ATP10B: variants seen among roughly 807,000 people sequenced by gnomAD.
ATP10B encodes phospholipid-transporting ATPase VB.
Under a neutral mutation model 141.2 loss-of-function variants are expected in ATP10B, and 122 were observed. The ratio of observed to expected loss-of-function variants is 0.86; its 90% CI spans 0.75 to 1.00. The LOEUF is 1.00. Ranked by LOEUF, ATP10B falls within the 50% of genes least tolerant of loss-of-function variation. The probability of loss-of-function intolerance (pLI) is 0.00; values close to 1 mark genes in which losing one functional copy is unlikely to be tolerated. For missense variants in ATP10B, 1,876 were observed against 1,825.3 expected (o/e 1.03, Z -0.51); for synonymous variants, 685 against 692.0 (o/e 0.99, Z 0.16).
chr5:160,921,360 AATAT>A, the ATP10B span, among the ~76,000 whole-genome samples: 3 of 152,048 alleles, frequency 2.0e-5, no homozygotes, highest in Non-Finnish European at 4.4e-5. Flanking sequence ...ATTGTGGTAA[AATAT>A]ATATAACTTT....
the ATP10B span, among the ~76,000 whole-genome samples, chr5:160,928,035 C>T: frequency 6.6e-6 from 1 of 152,138 alleles, no homozygotes; most frequent in Non-Finnish European, 1.5e-5. Flanking sequence ...GCCAGGGCTG[C>T]TGGCTCACTA....
intron 6 of ATP10B, among the ~76,000 whole-genome samples, chr5:160,680,782 A>G (rs911311538): frequency 6.6e-6 from 1 of 152,222 alleles, no homozygotes; most frequent in Non-Finnish European, 1.5e-5. Flanking sequence ...AGTTAGTACA[A>G]TCCCATCTCT....
At chr5:160,907,136 T>C in the ATP10B span, among the ~76,000 whole-genome samples, 1 of 152,182 alleles carries the variant, frequency 6.6e-6, no homozygotes, top group Non-Finnish European at 1.5e-5. Context: ...TTTTCTGTAA[T>C]TCCTGCCATG....
At chr5:160,851,900 TCCC>T (rs921472848) in intron 1 of ATP10B, 38 bp downstream of exon 1, 18 of 152,098 alleles carry the variant, frequency 1.2e-4, no homozygotes, top group African/African-American at 3.9e-4. Flanking sequence ...AGGCAATTAC[TCCC>T]CCATTATATA....
At chr5:160,771,048 T>A (rs908893274) in intron 2 of ATP10B, among the ~76,000 whole-genome samples, 5 of 152,196 alleles carry the variant, frequency 3.3e-5, no homozygotes, top group African/African-American at 1.2e-4. Flanking sequence ...GGAACTGGGG[T>A]TGAGTCAAGG....
intron 8 of ATP10B, among the ~76,000 whole-genome samples, chr5:160,645,746 G>C (rs969625922): frequency 1.3e-5 from 2 of 152,040 alleles, no homozygotes; most frequent in Non-Finnish European, 2.9e-5. Flanking sequence ...ATAATAATCC[G>C]AACTCTTAGA....
At chr5:160,805,747 G>C (rs1158517010) in intron 1 of ATP10B, among the ~76,000 whole-genome samples, 6 of 152,188 alleles carry the variant, frequency 3.9e-5, no homozygotes, top group Non-Finnish European at 7.3e-5. Context: ...TGCTGTTTAT[G>C]TGTGTGAGCA....
At position 160,673,001 on chromosome 5, in the gene ATP10B, A is replaced by T. The variant is rs139470827; in HGVS notation, c.471-2334T>A. On this transcript the variant is annotated intron_variant, in intron 6 of 25. Coordinates refer to ENST00000327245, the MANE Select transcript of ATP10B (RefSeq NM_025153.3). ...TTTGGAAGGCCAAGTCTATAAAATA[A>T]ACAGGGACATTGGAATTGGGGAGCA... is the stretch of plus-strand genomic sequence containing the variant. Among the ~76,000 whole-genome samples the T allele has an allele frequency of 3.5e-3, 527 of 152,344 alleles. 6 individuals are homozygous for T. The highest frequency in any genetic ancestry group is 0.012 in the African/African-American group (513 of 41,582).
chr5:160,791,620 G>A (rs540246546), intron 1 of ATP10B, among the ~76,000 whole-genome samples: 25 of 152,104 alleles, frequency 1.6e-4, no homozygotes, highest in Non-Finnish European at 2.9e-4. Context: ...GGCCATCAGA[G>A]CTCTAGCCAT....
intron 11 of ATP10B, 126 bp from the exon 12 acceptor site, chr5:160,634,732 A>T (rs1247861955): frequency 2.9e-5 from 30 of 1,025,378 alleles, no homozygotes; most frequent in Non-Finnish European, 3.9e-5. Context: ...ACTCTCTGTG[A>T]AATTAACGGT....
intron 5 of ATP10B, 106 bp downstream of exon 5, chr5:160,687,694 G>A (rs1763842407): frequency 7.8e-7 from 1 of 1,285,020 alleles, no homozygotes; most frequent in Non-Finnish European, 1.1e-6. Context: ...GAACCCAGGA[G>A]GTGAAGGTTG....
chr5:160,847,062 G>A (rs1776167796), intron 1 of ATP10B, among the ~76,000 whole-genome samples: 1 of 152,166 alleles, frequency 6.6e-6, no homozygotes, highest in Non-Finnish European at 1.5e-5. Flanking sequence ...TTGTGAGGTA[G>A]AAACATTTTA....
chr5:160,721,907 C>T (rs982132670), intron 2 of ATP10B, among the ~76,000 whole-genome samples: 5 of 152,180 alleles, frequency 3.3e-5, no homozygotes, highest in African/African-American at 1.2e-4. Context: ...TTGCAAACAA[C>T]TGGATCCAGA....
At chr5:160,582,787 C>CT (rs1178965299) in intron 24 of ATP10B, among the ~76,000 whole-genome samples, 1 of 152,178 alleles carries the variant, frequency 6.6e-6, no homozygotes, top group South Asian at 2.1e-4. Flanking sequence ...CCTTTCCATT[C>CT]TTTTTTCTCT....
the ATP10B span, among the ~76,000 whole-genome samples, chr5:160,879,932 T>C: frequency 5.9e-4 from 90 of 152,166 alleles, no homozygotes; most frequent in Middle Eastern, 3.4e-3. Flanking sequence ...CAAATGCCAA[T>C]TGCTTTGTAT....
chr5:160,851,437 T>G (rs549155371), intron 1 of ATP10B, among the ~76,000 whole-genome samples: 2 of 152,184 alleles, frequency 1.3e-5, no homozygotes, highest in Non-Finnish European at 2.9e-5. Context: ...TAAGCAACAG[T>G]TTTCTCCTTT....
At chr5:160,810,594 T>C (rs1773088785) in intron 1 of ATP10B, among the ~76,000 whole-genome samples, 1 of 152,184 alleles carries the variant, frequency 6.6e-6, no homozygotes, top group South Asian at 2.1e-4. Flanking sequence ...GCTAAATGTA[T>C]TATTCATGTC....
intron 2 of ATP10B, among the ~76,000 whole-genome samples, chr5:160,737,040 A>C (rs1322833011): frequency 6.6e-6 from 1 of 152,210 alleles, no homozygotes; most frequent in African/African-American, 2.4e-5. Flanking sequence ...TCAACAATAC[A>C]TTAAAAAGAT....
rs114658436 is a variant in ATP10B at position 160,840,085 on chromosome 5, G to A, written c.-576+11856C>T. On this transcript the variant is annotated intron_variant, in intron 1 of 25. Transcript: ENST00000327245. ...ATAAATACCTCTGAAAGATGCAAAA[G>A]TACATTTGAAAGTGGAAAGATGGCC... Among the ~76,000 whole-genome samples, 932 of 152,078 alleles carry A rather than the reference G, an allele frequency of 6.1e-3. 15 individuals carry two copies. The highest frequency in any genetic ancestry group is 0.022 in the African/African-American group (898 of 41,528).
Sources: allele counts gnomAD v4.1 joint callset (sites outside exome capture counted in the v4.1 genomes callset), GRCh38; gene constraint gnomAD v4.1.1; transcripts MANE v1.5; gene names NCBI Gene and HGNC (gene_info 2026-07-23, HGNC 2026-07-21).